Variants in KCNH7 observed in about 807,000 individuals in gnomAD.
KCNH7 encodes the protein potassium voltage-gated channel subfamily H member 7.
Under a neutral mutation model 120.8 loss-of-function variants are expected in KCNH7, and 49 were observed. The observed-to-expected ratio is 0.41, with a 90% CI of 0.32 to 0.51. The LOEUF (loss-of-function observed/expected upper bound fraction) is 0.51, where lower values mean the gene tolerates loss of function less well. KCNH7 is among the 20% of genes least tolerant of loss of function. KCNH7 has a pLI of 0.38. For missense variants in KCNH7, 1,097 were observed against 1,446.6 expected (o/e 0.76, Z 3.92); for synonymous variants, 547 against 516.1 (o/e 1.06, Z -0.81).
intron 14 of KCNH7, among the ~76,000 whole-genome samples, chr2:162,376,465 A>G (rs1686189502): frequency 6.6e-6 from 1 of 151,464 alleles, no homozygotes; most frequent in African/African-American, 2.4e-5. Context: ...TCCCGGGTTC[A>G]AGCAATTCTC....
At chr2:162,570,469 C>A (rs931384010) in intron 2 of KCNH7, among the ~76,000 whole-genome samples, 1 of 151,944 alleles carries the variant, frequency 6.6e-6, no homozygotes, top group African/African-American at 2.4e-5. Flanking sequence ...ACTGATGGGT[C>A]TTGACTCTTT....
At chr2:162,835,587 G>A (rs1405733450) in intron 2 of KCNH7, among the ~76,000 whole-genome samples, 1 of 151,706 alleles carries the variant, frequency 6.6e-6, no homozygotes, top group African/African-American at 2.4e-5. Context: ...TTACCTTTAA[G>A]CCCTAGACAA....
At chr2:162,474,605 G>A (rs947800331) in intron 6 of KCNH7, among the ~76,000 whole-genome samples, 3 of 152,214 alleles carry the variant, frequency 2.0e-5, no homozygotes, top group Admixed American at 6.5e-5. Flanking sequence ...GTGAAAAGAT[G>A]TCATTACTAT....
intron 5 of KCNH7, among the ~76,000 whole-genome samples, 177 bp downstream of exon 5, chr2:162,512,477 C>T (rs1056927577): frequency 6.6e-6 from 1 of 151,696 alleles, no homozygotes; most frequent in Non-Finnish European, 1.5e-5. Context: ...GGTAACACAG[C>T]AGAGAAATAA....
At chr2:162,469,591 C>G (rs1393532112) in intron 6 of KCNH7, among the ~76,000 whole-genome samples, 1 of 152,082 alleles carries the variant, frequency 6.6e-6, no homozygotes, top group Non-Finnish European at 1.5e-5. Flanking sequence ...CTATCAAAGC[C>G]CGGTGGGGTG....
chr2:162,522,175 G>A (rs1032220453), intron 3 of KCNH7, among the ~76,000 whole-genome samples: 1 of 151,844 alleles, frequency 6.6e-6, no homozygotes, highest in Non-Finnish European at 1.5e-5. Context: ...GAACTGCATC[G>A]AAGTCATTTG....
chr2:162,604,196 A>G (rs908652432), intron 2 of KCNH7, among the ~76,000 whole-genome samples: 3 of 152,106 alleles, frequency 2.0e-5, no homozygotes, highest in African/African-American at 4.8e-5. Flanking sequence ...TTCTTTAAGG[A>G]ATAAAATTGT....
At chr2:162,475,002 G>A (rs1241287467) in intron 6 of KCNH7, among the ~76,000 whole-genome samples, 3 of 152,200 alleles carry the variant, frequency 2.0e-5, no homozygotes, top group Admixed American at 6.5e-5. Context: ...GGAAGACCTG[G>A]AGTGAGAACA....
intron 3 of KCNH7, among the ~76,000 whole-genome samples, chr2:162,522,615 T>A (rs113337470): frequency 1.8e-4 from 27 of 152,002 alleles, no homozygotes; most frequent in African/African-American, 6.3e-4. Context: ...AGTCTTCAGA[T>A]TTTATTATAT....
chr2:162,459,054 A>C (rs1689067411), intron 6 of KCNH7, among the ~76,000 whole-genome samples: 2 of 140,842 alleles, frequency 1.4e-5, no homozygotes, highest in Admixed American at 1.4e-4. Flanking sequence ...AATATAAAGG[A>C]GGTCTGGGAT....
At chr2:162,752,780 A>G (rs1688600022) in intron 2 of KCNH7, among the ~76,000 whole-genome samples, 1 of 150,884 alleles carries the variant, frequency 6.6e-6, no homozygotes, top group Non-Finnish European at 1.5e-5. Context: ...GTGCCTTGTA[A>G]TCCCAGCTAT....
intron 6 of KCNH7, among the ~76,000 whole-genome samples, chr2:162,462,015 G>A (rs1406610529): frequency 2.0e-5 from 3 of 152,066 alleles, no homozygotes; most frequent in Non-Finnish European, 4.4e-5. Flanking sequence ...CTTTCCAGGG[G>A]TCCTGTAGAA....
intron 2 of KCNH7, chr2:162,795,248 C>T (rs1213793432): frequency 6.6e-6 from 1 of 151,774 alleles, no homozygotes; most frequent in African/African-American, 2.4e-5. Context: ...CCAAATTCAG[C>T]GGATAAATTG....
At chr2:162,773,152 T>C (rs1574369739) in intron 2 of KCNH7, among the ~76,000 whole-genome samples, 1 of 152,282 alleles carries the variant, frequency 6.6e-6, no homozygotes, top group East Asian at 1.9e-4. Flanking sequence ...AACAAGATAA[T>C]TTGTAACTGT....
chr2:162,593,464 G>A (rs958676945), intron 2 of KCNH7, among the ~76,000 whole-genome samples: 9 of 151,996 alleles, frequency 5.9e-5, no homozygotes, highest in African/African-American at 1.7e-4. Context: ...TAGCAAAAAT[G>A]TGACCCAATT....
chr2:162,459,402 A>T (rs181279853), intron 6 of KCNH7, among the ~76,000 whole-genome samples: 22 of 152,334 alleles, frequency 1.4e-4, no homozygotes, highest in African/African-American at 5.3e-4. Context: ...GTTGTTCTCC[A>T]TTCCTAAAGT....
chr2:162,466,383 G>A (rs1231285198), intron 6 of KCNH7, among the ~76,000 whole-genome samples: 2 of 152,170 alleles, frequency 1.3e-5, no homozygotes, highest in African/African-American at 4.8e-5. Context: ...GTAGTAAGGG[G>A]AAGTAAACAC....
At position 162,500,183 on chromosome 2, in the gene KCNH7, C is replaced by T. The variant is rs1337423362; in HGVS notation, c.1128+4260G>A. On this transcript the variant is annotated intron_variant, in intron 6 of 15. Transcript: ENST00000332142. ...ATACATTTATATGTTATATACAATA[C>T]ATATATTATATACATTACATGTTAT... Among the ~76,000 whole-genome samples, 10 of 147,384 alleles carry T rather than the reference C, an allele frequency of 6.8e-5. No individual in the cohort carries two copies. In the Admixed American group the frequency reaches 6.9e-4, roughly 10 times the overall value.
intron 2 of KCNH7, among the ~76,000 whole-genome samples, chr2:162,565,985 ATACT>A (rs1430152396): frequency 6.6e-6 from 1 of 152,124 alleles, no homozygotes; most frequent in Non-Finnish European, 1.5e-5. Flanking sequence ...TGTATGCTAA[ATACT>A]TAATAAATAT....
Sources: gnomAD v4.1 joint callset for allele counts (sites outside exome capture counted in the v4.1 genomes callset) on GRCh38, gnomAD v4.1.1 for gene constraint, MANE v1.5 for transcripts, NCBI Gene and HGNC (gene_info 2026-07-23, HGNC 2026-07-21) for gene names.